Variants in YJU2B observed in about 807,000 individuals in gnomAD.
YJU2B encodes YJU2 splicing factor homolog B.
YJU2B carries 18 observed loss-of-function variants against 38.0 expected under a neutral mutation model. The ratio of observed to expected loss-of-function variants is 0.47; its 90% confidence interval spans 0.33 to 0.70. YJU2B has a LOEUF of 0.70. YJU2B is among the 30% of genes least tolerant of loss of function. The pLI, the probability that YJU2B is intolerant of heterozygous loss-of-function variation, is 0.02. For synonymous variants in YJU2B, 246 were observed against 225.4 expected (o/e 1.09, Z -0.82); for missense variants, 538 against 556.3 (o/e 0.97, Z 0.33).
rs768347850 is a variant in YJU2B at position 13,751,804 on chromosome 19, C to T, written c.-5C>T. ...GAGGCTGAGGACCAGTAGGCAGCTCCCAAGATGGTGAGTAGACAGCCTCGT... is the reference window on the plus strand; with the variant it reads ...GAGGCTGAGGACCAGTAGGCAGCTCTCAAGATGGTGAGTAGACAGCCTCGT... On this transcript the variant is annotated 5_prime_UTR_variant, in exon 2 of 10. Transcript: ENST00000221554. 9 of 1,613,974 alleles carry T rather than the reference C, an allele frequency of 5.6e-6. No individual in the cohort carries two copies.
At chr19:13,756,309 C>G (rs1382253087) in intron 4 of YJU2B, 30 bp downstream of exon 4, 1 of 1,564,114 alleles carries the variant, frequency 6.4e-7, no homozygotes, top group Non-Finnish European at 8.8e-7. Flanking sequence ...GAGGACCCCA[C>G]CGTCCTGCCC....
chr19:13,751,920 G>A lies in YJU2B; in HGVS notation c.3+109G>A, dbSNP rs540908000. On this transcript the variant is annotated intron_variant, in intron 2 of 9. Transcript: ENST00000221554. ...CTCTAAGATGATGATTTCAATCTCC[G>A]GGTCATCATCTTTTGGTGCAGTGGG... The A allele has an allele frequency of 1.5e-4, 166 of 1,086,214 alleles. No individual in the cohort carries two copies. In the African/African-American group the frequency reaches 2.2e-3, roughly 14 times the overall value. 67.3% of individuals were successfully genotyped at this position (1,086,214 alleles called of 1,614,324 possible).
In YJU2B at chr19:13,763,203, C is replaced by T; in HGVS notation, c.*135C>T. 1.5e-6 allele frequency: 1 copy of T among 650,190 alleles called. No homozygotes were observed. The highest frequency in any genetic ancestry group is 2.6e-6 in the Non-Finnish European group (1 of 390,516). The allele number at this position is 650,190 out of a possible 1,614,324, so 40.3% of individuals were successfully genotyped here. On this transcript the variant is annotated 3_prime_UTR_variant, in exon 10 of 10. Transcript: ENST00000221554. ...ATGCCGCATCCTCCCCAGACCGCGC[C>T]TTCCTGCAACCGTGGAGTTATTTAT...
chr19:13,744,272 T>A (rs1003995468), upstream of YJU2B, among the ~76,000 whole-genome samples: 1 of 152,146 alleles, frequency 6.6e-6, no homozygotes, highest in South Asian at 2.1e-4. Flanking sequence ...AAATTTTGAG[T>A]CAGTAGAAAC....
chr19:13,757,505 G>A, intron 5 of YJU2B, 32 bp downstream of exon 5: 1 of 1,556,064 alleles, frequency 6.4e-7, no homozygotes, highest in Non-Finnish European at 8.8e-7. Context: ...ATTCAGTCCT[G>A]CAAACATCAG....
chr19:13,745,731 A>C (rs1174180374), upstream of YJU2B, among the ~76,000 whole-genome samples: 28 of 55,654 alleles, frequency 5.0e-4, no homozygotes, highest in East Asian at 8.7e-3. Context: ...AGATATCTAT[A>C]TATATATATA....
chr19:13,759,197 G>A lies in YJU2B; in HGVS notation c.498G>A (p.Leu166=). 1 of 1,613,582 alleles carries A rather than the reference G, an allele frequency of 6.2e-7. No individual in the cohort carries two copies. The highest frequency in any genetic ancestry group is 1.1e-5 in the South Asian group (1 of 91,006). Residue 166 remains leucine, a synonymous_variant, in exon 8 of 10, where the codon CTG becomes CTA. Transcript: ENST00000221554. ...CACTCAAGAAGGCGCTGCCCACACTGAGCCACATCCAGGAGGCCCAGAGCG... is the reference window on the plus strand; with the variant it reads ...CACTCAAGAAGGCGCTGCCCACACTAAGCCACATCCAGGAGGCCCAGAGCG... ...RSTLKKALPT[L]SHIQEAQSAW...
intron 2 of YJU2B, among the ~76,000 whole-genome samples, chr19:13,735,529 G>GTTT (rs544973465): frequency 7.0e-6 from 1 of 142,268 alleles, no homozygotes. Context: ...CAGTGTCTGT[G>GTTT]TTTTTTTTTT....
At position 13,751,683 on chromosome 19, in the gene YJU2B, A is replaced by G. The variant is rs953453321; in HGVS notation, c.-126A>G. On this transcript the variant is annotated 5_prime_UTR_variant, in exon 2 of 10. Coordinates refer to ENST00000221554, the MANE Select transcript of YJU2B (RefSeq NM_030818.4). ...CTGGCACCACCACACGGCCCACGAC[A>G]TCTTCGCAGGGAAGCCTGTGGACCC... is the stretch of plus-strand genomic sequence containing the variant. The G allele has an allele frequency of 2.0e-6, 2 of 1,013,212 alleles. No individual in the cohort carries two copies. Among genetic ancestry groups the G allele is most frequent in the East Asian group, 2.4e-5 (1 of 40,974 alleles). The allele number at this position is 1,013,212 out of a possible 1,614,324, so 62.8% of individuals were successfully genotyped here. A position where few individuals can be genotyped will look rare whatever the true frequency, so the allele number is the denominator to read the frequency against.
upstream of YJU2B, chr19:13,747,787 G>A (rs2145116089): frequency 6.6e-6 from 1 of 152,454 alleles, no homozygotes; most frequent in Non-Finnish European, 1.5e-5. Context: ...GCCCACTCCG[G>A]CGTCGCAGAA....
At chr19:13,756,635 C>T (rs538994787) in intron 4 of YJU2B, among the ~76,000 whole-genome samples, 1 of 152,074 alleles carries the variant, frequency 6.6e-6, no homozygotes, top group Non-Finnish European at 1.5e-5. Flanking sequence ...GTATCTCAAC[C>T]TGTAGCAGGC....
At chr19:13,753,966 T>A (rs958064391) in intron 2 of YJU2B, among the ~76,000 whole-genome samples, 1 of 151,362 alleles carries the variant, frequency 6.6e-6, no homozygotes, top group Non-Finnish European at 1.5e-5. Flanking sequence ...ATGTCAGGAG[T>A]TCAAGACCAG....
intron 1 of YJU2B, among the ~76,000 whole-genome samples, chr19:13,749,533 A>ATTTTC (rs1276250383): frequency 6.6e-6 from 1 of 151,330 alleles, no homozygotes; most frequent in African/African-American, 2.4e-5. Flanking sequence ...AGAAATACTT[A>ATTTTC]TTTTCTGGCC....
intron 3 of YJU2B, among the ~76,000 whole-genome samples, chr19:13,755,163 C>CA (rs1043821281): frequency 0.035 from 2,009 of 57,044 alleles, 80 homozygotes; most frequent in African/African-American, 0.088. Context: ...GACCCTGCCT[C>CA]AAAAAAAAAA....
At chr19:13,739,477 CTCT>C (rs1973038822) in intron 2 of YJU2B, among the ~76,000 whole-genome samples, 3 of 129,564 alleles carry the variant, frequency 2.3e-5, no homozygotes, top group Non-Finnish European at 5.0e-5. Flanking sequence ...TTCAACTCTA[CTCT>C]ATGGATTTGG....
chr19:13,758,414 G>A (rs1215562936), intron 6 of YJU2B, among the ~76,000 whole-genome samples: 2 of 152,104 alleles, frequency 1.3e-5, no homozygotes, highest in South Asian at 2.1e-4. Flanking sequence ...TGTCTTGGGC[G>A]GGTTTGTTGA....
intron 8 of YJU2B, among the ~76,000 whole-genome samples, chr19:13,761,866 G>A (rs1294201352): frequency 1.3e-5 from 2 of 151,918 alleles, no homozygotes; most frequent in African/African-American, 2.4e-5. Flanking sequence ...TAGGACCATA[G>A]GCGCATGCCA....
intron 2 of YJU2B, among the ~76,000 whole-genome samples, chr19:13,736,033 C>G (rs990167473): frequency 7.8e-5 from 11 of 141,768 alleles, no homozygotes; most frequent in African/African-American, 2.6e-4. Context: ...GCCTGGGTGA[C>G]AGAGGGAGAC....
At chr19:13,756,003 T>G (rs1973652593) in intron 3 of YJU2B, among the ~76,000 whole-genome samples, 194 bp from the exon 4 acceptor site, 1 of 152,110 alleles carries the variant, frequency 6.6e-6, no homozygotes, top group Non-Finnish European at 1.5e-5. Context: ...CAAACTCACG[T>G]TCCTGGTTCC....
Sources: allele counts gnomAD v4.1 joint callset (sites outside exome capture counted in the v4.1 genomes callset), GRCh38; gene constraint gnomAD v4.1.1; transcripts MANE v1.5; gene names NCBI Gene and HGNC (gene_info 2026-07-23, HGNC 2026-07-21).